The following IQSEC1 variants were observed in gnomAD, a reference collection of about 807,000 sequenced individuals.
IQSEC1 encodes the protein IQ motif and Sec7 domain ArfGEF 1.
IQSEC1 carries 31 observed loss-of-function variants against 91.0 expected under a neutral mutation model. The ratio of observed to expected loss-of-function variants is 0.34; its 90% CI spans 0.26 to 0.46. The LOEUF is 0.46. Among genes scored for constraint, IQSEC1 ranks in the 20% least tolerant of loss-of-function variants. IQSEC1 has a pLI of 1.00. For synonymous variants in IQSEC1, 699 were observed against 662.6 expected, an observed-to-expected ratio of 1.05 and a Z score of -0.84; for missense variants, 1,388 against 1,575.6, an observed-to-expected ratio of 0.88 and a Z score of 2.02.
chr3:13,282,690 G>C lies in IQSEC1; in HGVS notation c.272+21C>G, dbSNP rs1695818753. ...AAGTTCCCACGTCCCCGACACGCCC[G>C]CCGCCCCGGGCCCCGCTTACTTGTC... On this transcript the variant is annotated intron_variant, in intron 1 of 15. Coordinates refer to the IQSEC1 transcript ENST00000648114. This position sits in a 1 kb window ranked among gnomAD's most constrained non-coding sequence, Gnocchi z 6.4. 1.3e-5 allele frequency among the ~76,000 whole-genome samples: 2 copies of C among 149,506 alleles called. No individual in the cohort carries two copies. The highest frequency in any genetic ancestry group is 3.0e-5 in the Non-Finnish European group (2 of 67,324).
chr3:13,262,776 G>T (rs6442367), intron 1 of IQSEC1, among the ~76,000 whole-genome samples: 51,639 of 152,222 alleles, frequency 0.34, 10,255 homozygotes, highest in African/African-American at 0.56. Context: ...GGGTGAACTT[G>T]GAGGACATTG....
intron 2 of IQSEC1, among the ~76,000 whole-genome samples, chr3:13,160,622 G>C (rs1455349698): frequency 6.6e-6 from 1 of 152,274 alleles, no homozygotes; most frequent in Non-Finnish European, 1.5e-5. Flanking sequence ...TGTTGCGGGG[G>C]CAGTCTCCAC....
intron 2 of IQSEC1, among the ~76,000 whole-genome samples, chr3:13,150,612 G>T (rs1338975811): frequency 6.6e-6 from 1 of 152,164 alleles, no homozygotes; most frequent in African/African-American, 2.4e-5. Flanking sequence ...AACAAGGGGT[G>T]CCCTGGAAGA....
Position 13,130,359 on chromosome 3 carries a change from A to AG in IQSEC1, c.302+33744_302+33745insC, listed in dbSNP as rs1173627480. Reference sequence around the variant, plus strand: ...ACTCTGTCAAAAAAAAAAAAAAAAAAAAAGAAAGAAAGAAAGAAATGTATT... The same window carrying AG: ...ACTCTGTCAAAAAAAAAAAAAAAAAAGAAAGAAAGAAAGAAAGAAATGTATT... On this transcript the variant is annotated intron_variant, in intron 2 of 15. Transcript: ENST00000648114. 6.4e-3 allele frequency among the ~76,000 whole-genome samples: 947 copies of AG among 148,308 alleles called. 8 individuals are homozygous for AG. The highest frequency in any genetic ancestry group is 0.02 in the African/African-American group (767 of 38,268).
At chr3:13,041,453 G>A (rs963019241) in intron 1 of IQSEC1, among the ~76,000 whole-genome samples, 1 of 152,156 alleles carries the variant, frequency 6.6e-6, no homozygotes, top group African/African-American at 2.4e-5. Context: ...AGAATTGCTC[G>A]TATGCTAATG....
chr3:13,130,481 T>C (rs1044601838), intron 2 of IQSEC1, among the ~76,000 whole-genome samples: 2 of 152,228 alleles, frequency 1.3e-5, no homozygotes, highest in African/African-American at 4.8e-5. Context: ...ATTTATCATA[T>C]AGAATTTGGC....
intron 2 of IQSEC1, among the ~76,000 whole-genome samples, chr3:13,114,864 A>C (rs943895158): frequency 6.6e-6 from 1 of 151,838 alleles, no homozygotes; most frequent in Non-Finnish European, 1.5e-5. Context: ...GCCAAAGAGA[A>C]GAGCCAAGCA....
chr3:13,255,369 G>C (rs549475256), intron 1 of IQSEC1, among the ~76,000 whole-genome samples: 1 of 152,196 alleles, frequency 6.6e-6, no homozygotes, highest in Admixed American at 6.5e-5. Context: ...GGGGCAACAG[G>C]TGTATTGCTA....
rs57912681 is a variant in IQSEC1 at position 13,191,477 on chromosome 3, A to ATTTT, written c.273-27348_273-27345dup. ...AGCTCCCAGTCCCCACACCCAGCTA[A>ATTTT]TTTTTTTTTTTTTTTTTTTTTTTTT... On this transcript the variant is annotated intron_variant, in intron 1 of 15. Transcript: ENST00000648114. Among the ~76,000 whole-genome samples the ATTTT allele has an allele frequency of 1.9e-3, 173 of 92,076 alleles. 4 individuals carry two copies. The highest frequency in any genetic ancestry group is 4.7e-3 in the African/African-American group (108 of 23,124). The allele number at this position is 92,076 out of a possible 152,430, so 60.4% of individuals were successfully genotyped here. A position where few individuals can be genotyped will look rare whatever the true frequency, so the allele number is the denominator to read the frequency against.
At chr3:13,230,263 G>A (rs984464164) in intron 1 of IQSEC1, among the ~76,000 whole-genome samples, 4 of 151,666 alleles carry the variant, frequency 2.6e-5, no homozygotes, top group African/African-American at 9.7e-5. Context: ...AAATAAGTCA[G>A]AAGGAGCCAA....
intron 1 of IQSEC1, among the ~76,000 whole-genome samples, chr3:13,020,104 C>G (rs986327092): frequency 1.3e-4 from 20 of 152,250 alleles, no homozygotes; most frequent in African/African-American, 4.8e-4. Context: ...GTGCCAATAC[C>G]TGGAAACCTT....
intron 2 of IQSEC1, among the ~76,000 whole-genome samples, chr3:13,138,088 C>G (rs1343253703): frequency 6.6e-6 from 1 of 152,068 alleles, no homozygotes; most frequent in Non-Finnish European, 1.5e-5. Flanking sequence ...CCTGTTTCTC[C>G]ATATGCAAAA....
chr3:13,224,248 G>A (rs1483457316), intron 1 of IQSEC1, among the ~76,000 whole-genome samples: 5 of 152,122 alleles, frequency 3.3e-5, no homozygotes, highest in Non-Finnish European at 7.4e-5. Context: ...TCAGAAGGAG[G>A]GAGAAGACAG....
chr3:13,031,144 C>T (rs143039647), intron 1 of IQSEC1, among the ~76,000 whole-genome samples: 6 of 152,240 alleles, frequency 3.9e-5, no homozygotes, highest in Non-Finnish European at 7.3e-5. Context: ...AAAACTGCCC[C>T]GTTTTTGTTA....
intron 1 of IQSEC1, among the ~76,000 whole-genome samples, chr3:13,030,495 G>C (rs575934799): frequency 1.3e-5 from 2 of 152,210 alleles, no homozygotes; most frequent in African/African-American, 4.8e-5. Context: ...AATTGGACCT[G>C]AGTCTAATCA....
intron 2 of IQSEC1, among the ~76,000 whole-genome samples, chr3:13,096,134 G>A (rs1282274976): frequency 6.6e-6 from 1 of 152,174 alleles, no homozygotes; most frequent in Non-Finnish European, 1.5e-5. Context: ...CTCTTCATAG[G>A]TCCCAAGTGT....
At position 13,282,647 on chromosome 3, in the gene IQSEC1, G is replaced by A. The variant is rs1695818091; in HGVS notation, c.272+64C>T. On this transcript the variant is annotated intron_variant, in intron 1 of 15. Transcript: ENST00000648114. The surrounding 1 kb of genome is among the most constrained non-coding windows in gnomAD (Gnocchi z 6.4). ...CCCACCTCCCCGCCAAGCCCCGAGG[G>A]AAGCCGCGGACCCCAAGAAGTTCCC... Among the ~76,000 whole-genome samples the A allele has an allele frequency of 6.6e-6, 1 of 151,654 alleles. No homozygotes were observed. Among genetic ancestry groups the A allele is most frequent in the African/African-American group, 2.4e-5 (1 of 41,368 alleles).
intron 1 of IQSEC1, among the ~76,000 whole-genome samples, chr3:13,255,291 G>A (rs549190572): frequency 1.4e-3 from 211 of 152,286 alleles, no homozygotes; most frequent in Non-Finnish European, 2.5e-3. Context: ...TCCTGAGGAC[G>A]GCTCTGCCTT....
At chr3:12,946,079 C>G (rs145452025) in intron 1 of IQSEC1, among the ~76,000 whole-genome samples, 2,598 of 152,336 alleles carry the variant, frequency 0.017, 77 homozygotes, top group African/African-American at 0.059. Context: ...GGCAGAAACA[C>G]AGATACCTTA....
Sources: allele counts gnomAD v4.1 joint callset (sites outside exome capture counted in the v4.1 genomes callset), GRCh38; gene constraint gnomAD v4.1.1; non-coding constraint Gnocchi (gnomAD v3.1); transcripts MANE v1.5; gene names NCBI Gene and HGNC (gene_info 2026-07-23, HGNC 2026-07-21).